RANBP2: variants seen among roughly 807,000 people sequenced by gnomAD.
RANBP2 encodes RAN binding protein 2, also known as E3 SUMO-protein ligase RanBP2.
RANBP2 carries 57 observed loss-of-function variants against 303.6 expected under a neutral mutation model. That is an observed-to-expected ratio of 0.19 (90% confidence interval 0.15 to 0.23). The LOEUF (loss-of-function observed/expected upper bound fraction) is 0.23, where lower values mean the gene tolerates loss of function less well. RANBP2 is among the 10% of genes least tolerant of loss of function. RANBP2 has a pLI of 1.00. For missense variants in RANBP2, 3,138 were observed against 3,780.8 expected, an observed-to-expected ratio of 0.83 and a Z score of 4.46; for synonymous variants, 1,167 against 1,301.5, an observed-to-expected ratio of 0.90 and a Z score of 2.23.
At chr2:109,500,195 A>T in the RANBP2 span, among the ~76,000 whole-genome samples, 2 of 152,070 alleles carry the variant, frequency 1.3e-5, no homozygotes, top group Admixed American at 6.5e-5. Context: ...GAGCTGTTAG[A>T]AGCTATGTTA....
chr2:109,066,724 ACTGGGGGATGGCGGGG>A, the RANBP2 span, among the ~76,000 whole-genome samples: 1 of 152,084 alleles, frequency 6.6e-6, no homozygotes, highest in Non-Finnish European at 1.5e-5. Flanking sequence ...AGATGGCTTC[ACTGGGGGATGGCGGGG>A]CAGGGGCGAT....
the RANBP2 span, among the ~76,000 whole-genome samples, chr2:109,445,325 A>G: frequency 6.6e-6 from 1 of 152,240 alleles, no homozygotes; most frequent in Non-Finnish European, 1.5e-5. Flanking sequence ...CCTCACACAG[A>G]AAGCACAAAG....
At chr2:109,677,881 G>T in the RANBP2 span, among the ~76,000 whole-genome samples, 2 of 152,250 alleles carry the variant, frequency 1.3e-5, no homozygotes, top group Non-Finnish European at 2.9e-5. Context: ...TGAAGGCAGA[G>T]ACCTCAACTT....
At chr2:109,678,369 G>T in the RANBP2 span, among the ~76,000 whole-genome samples, 1 of 152,338 alleles carries the variant, frequency 6.6e-6, no homozygotes, top group East Asian at 1.9e-4. Flanking sequence ...TCTGCTCCCT[G>T]CAGGGACCCT....
At chr2:109,125,957 T>C in the RANBP2 span, among the ~76,000 whole-genome samples, 134 of 152,360 alleles carry the variant, frequency 8.8e-4, no homozygotes, top group South Asian at 7.5e-3. Context: ...TGGTGGTTTT[T>C]GAGAACTAAA....
At chr2:109,221,543 G>A in the RANBP2 span, among the ~76,000 whole-genome samples, 1 of 146,264 alleles carries the variant, frequency 6.8e-6, no homozygotes, top group Non-Finnish European at 1.5e-5. Flanking sequence ...GATCGCGCCA[G>A]TGCACTCCAG....
In RANBP2 at chr2:108,783,631, A is replaced by G. The variant is rs1553503136; in HGVS notation, c.9405A>G (p.Gly3135=). Residue 3135 remains glycine, a synonymous_variant, in exon 29 of 29, where the codon GGA becomes GGG. Coordinates refer to ENST00000283195, the MANE Select transcript of RANBP2 (RefSeq NM_006267.5). ...TCACCAAACATGATGGAACAGGCGG[A>G]CAGTCCATTTATGGAGACAAATTTG... ...GDITKHDGTG[G]QSIYGDKFED... is the part of the protein sequence containing the mutation. The G allele has an allele frequency of 6.2e-6, 10 of 1,612,742 alleles. No individual in the cohort carries two copies. The highest frequency in any genetic ancestry group is 7.6e-6 in the Non-Finnish European group (9 of 1,178,982).
At chr2:109,154,298 C>T in the RANBP2 span, among the ~76,000 whole-genome samples, 2 of 152,196 alleles carry the variant, frequency 1.3e-5, no homozygotes, top group African/African-American at 2.4e-5. Context: ...AGGAAGGGAG[C>T]CCCTGTTTCC....
chr2:109,314,717 A>G, the RANBP2 span, among the ~76,000 whole-genome samples: 3 of 152,220 alleles, frequency 2.0e-5, no homozygotes, highest in Non-Finnish European at 4.4e-5. Flanking sequence ...GAATCTTTTT[A>G]CAAGTGCATA....
At chr2:108,775,500 C>G (rs946090380) in intron 23 of RANBP2, among the ~76,000 whole-genome samples, 6 of 152,138 alleles carry the variant, frequency 3.9e-5, no homozygotes, top group Admixed American at 6.5e-5. Flanking sequence ...TCTCTGGTCC[C>G]AAGATCCTTA....
chr2:109,416,220 C>T, the RANBP2 span, among the ~76,000 whole-genome samples: 1 of 152,134 alleles, frequency 6.6e-6, no homozygotes, highest in East Asian at 1.9e-4. Flanking sequence ...CGAAGCCCTC[C>T]CAGCCACGCC....
At chr2:109,141,162 C>T in the RANBP2 span, among the ~76,000 whole-genome samples, 15 of 152,284 alleles carry the variant, frequency 9.9e-5, no homozygotes, top group South Asian at 2.1e-3. Flanking sequence ...CAGGTTTCTG[C>T]GGATTCCTCT....
chr2:108,743,935 T>C (rs558493976), intron 7 of RANBP2, among the ~76,000 whole-genome samples: 1 of 152,234 alleles, frequency 6.6e-6, no homozygotes, highest in Non-Finnish European at 1.5e-5. Context: ...AGCTTAATGA[T>C]CAAATGATTA....
chr2:109,417,366 G>A, the RANBP2 span, among the ~76,000 whole-genome samples: 10 of 152,264 alleles, frequency 6.6e-5, no homozygotes, highest in East Asian at 1.9e-3. Context: ...GCATTGTTGG[G>A]GACACCTCCT....
Position 108,763,230 on chromosome 2 carries a change from CT to C in RANBP2, c.2698-3del. 6.2e-7 allele frequency: 1 copy of C among 1,613,294 alleles called. No individual in the cohort carries two copies. Among genetic ancestry groups the C allele is most frequent in the Non-Finnish European group, 8.5e-7 (1 of 1,179,790 alleles). ...TCTACAAAATGTTTTAACTTTCTGTCTTTTAGGGCCCAGTCTATGGCATGAA... is the reference window on the plus strand; with the variant it reads ...TCTACAAAATGTTTTAACTTTCTGTCTTTAGGGCCCAGTCTATGGCATGAA... On this transcript the variant is annotated splice_polypyrimidine_tract_variant and splice_region_variant and intron_variant, in intron 19 of 28. Coordinates refer to ENST00000283195, the MANE Select transcript of RANBP2 (RefSeq NM_006267.5).
the RANBP2 span, among the ~76,000 whole-genome samples, chr2:109,496,545 G>A: frequency 6.6e-6 from 1 of 152,202 alleles, no homozygotes; most frequent in Non-Finnish European, 1.5e-5. Context: ...TGAGGGTGAG[G>A]GCACCTGCAG....
chr2:109,398,018 G>A, the RANBP2 span, among the ~76,000 whole-genome samples: 42 of 152,170 alleles, frequency 2.8e-4, no homozygotes, highest in Admixed American at 7.9e-4. Context: ...CAGCTTCTGG[G>A]GCTTGACAGC....
chr2:108,908,060 G>C, the RANBP2 span: 1 of 1,571,338 alleles, frequency 6.4e-7, no homozygotes, highest in Non-Finnish European at 8.7e-7. Flanking sequence ...GTGCCTGGGG[G>C]GGCTGCAGCC....
the RANBP2 span, among the ~76,000 whole-genome samples, chr2:109,499,584 G>A: frequency 6.6e-6 from 1 of 152,188 alleles, no homozygotes. Flanking sequence ...GTGGGAGTGG[G>A]GATGGGGCCC....
Sources: allele counts gnomAD v4.1 joint callset (sites outside exome capture counted in the v4.1 genomes callset), GRCh38; gene constraint gnomAD v4.1.1; transcripts MANE v1.5; gene names NCBI Gene and HGNC (gene_info 2026-07-23, HGNC 2026-07-21).